Variants in DNAH17 observed in about 807,000 individuals in gnomAD.
DNAH17 encodes the protein axonemal beta dynein heavy chain 17.
DNAH17 carries 376 observed loss-of-function variants against 485.6 expected under a neutral mutation model. The observed-to-expected ratio is 0.77, with a 90% CI of 0.71 to 0.84. DNAH17 has a LOEUF of 0.84. Ranked by LOEUF, DNAH17 falls within the 40% of genes least tolerant of loss-of-function variation. The pLI is 0.00. For synonymous variants in DNAH17, 3,031 were observed against 2,405.9 expected, an observed-to-expected ratio of 1.26 and a Z score of -7.60; for missense variants, 6,370 against 5,839.3, an observed-to-expected ratio of 1.09 and a Z score of -2.96.
At chr17:78,534,257 G>A (rs555025588) in intron 19 of DNAH17, among the ~76,000 whole-genome samples, 84 of 152,342 alleles carry the variant, frequency 5.5e-4, no homozygotes, top group Admixed American at 9.1e-4. Context: ...AGGCCCCATC[G>A]GGACCCAGAT....
At chr17:78,425,320 T>A in intron 80 of DNAH17, 26 bp downstream of exon 80, 6 of 1,605,270 alleles carry the variant, frequency 3.7e-6, no homozygotes, top group Non-Finnish European at 5.1e-6. Flanking sequence ...TGGAAGCTTC[T>A]GCAGACAGAC....
chr17:78,430,467 C>T (rs1338239766), intron 75 of DNAH17, among the ~76,000 whole-genome samples: 2 of 152,168 alleles, frequency 1.3e-5, no homozygotes, highest in African/African-American at 2.4e-5. Flanking sequence ...TTCCACTGTG[C>T]GCTGGCCGGA....
chr17:78,485,090 G>C (rs1302988420), intron 47 of DNAH17, 57 bp from the exon 48 acceptor site: 8 of 1,522,580 alleles, frequency 5.3e-6, no homozygotes, highest in Non-Finnish European at 7.0e-6. Context: ...GAGCCTGTTA[G>C]GTAGGGAGGG....
At position 78,507,372 on chromosome 17, in the gene DNAH17, G is replaced by C; in HGVS notation, c.4585-3C>G. On this transcript the variant is annotated splice_region_variant and splice_polypyrimidine_tract_variant and intron_variant, in intron 28 of 80. Coordinates refer to ENST00000389840, the MANE Select transcript of DNAH17 (RefSeq NM_173628.4). The stretch of plus-strand genomic sequence containing the variant: ...TTCACTGCATCTTCCATCAAGGCCT[G>C]GGAAGAGAAGGGGATCGCCAAGGCA... 6.2e-7 allele frequency: 1 copy of C among 1,614,030 alleles called. No individual in the cohort carries two copies. Among genetic ancestry groups the C allele is most frequent in the Non-Finnish European group, 8.5e-7 (1 of 1,179,898 alleles).
At chr17:78,562,285 TAAAC>T (rs1372919317) in intron 11 of DNAH17, among the ~76,000 whole-genome samples, 1 of 151,968 alleles carries the variant, frequency 6.6e-6, no homozygotes. Context: ...AAGGAAGACT[TAAAC>T]AATTAAAAAA....
chr17:78,534,436 G>C (rs1348364476), intron 19 of DNAH17, among the ~76,000 whole-genome samples: 2 of 152,362 alleles, frequency 1.3e-5, no homozygotes, highest in East Asian at 3.9e-4. Context: ...AGAAGCCACA[G>C]GGGAGAGAAA....
At chr17:78,529,219 G>GA (rs2091161203) in intron 22 of DNAH17, among the ~76,000 whole-genome samples, 1 of 152,000 alleles carries the variant, frequency 6.6e-6, no homozygotes, top group African/African-American at 2.4e-5. Flanking sequence ...GGATTACAAT[G>GA]AAGACATTTT....
chr17:78,527,422 G>A (rs931587041), intron 22 of DNAH17, among the ~76,000 whole-genome samples: 18 of 152,084 alleles, frequency 1.2e-4, no homozygotes, highest in South Asian at 2.1e-4. Flanking sequence ...CCTTAATGGC[G>A]AACTAGGACA....
At chr17:78,438,988 A>G (rs1456607758) in intron 73 of DNAH17, 102 bp downstream of exon 73, 5 of 1,466,956 alleles carry the variant, frequency 3.4e-6, no homozygotes, top group Non-Finnish European at 4.5e-6. Flanking sequence ...ACATTTCTGA[A>G]TGCAAACTCC....
In DNAH17 at chr17:78,507,470, G is replaced by T. The variant is rs201997246; in HGVS notation, c.4572C>A (p.Asn1524Lys). ...GGGCTGTGCTCACCTTGAATTCCTG[G>T]TTGATGTCGTCAAAGCGCTGGGAGT... ...PGDSQRFDDI[N>K]QEFKALMEDA... is the part of the protein sequence containing the mutation. Residue 1524 changes from asparagine to lysine, a missense_variant, in exon 28 of 81, where the codon AAC becomes AAA. Transcript: ENST00000389840. 2.7e-5 allele frequency: 44 copies of T among 1,612,158 alleles called. No individual in the cohort carries two copies. Among genetic ancestry groups the T allele is most frequent in the Admixed American group, 2.0e-4 (12 of 59,986 alleles).
At position 78,444,695 on chromosome 17, in the gene DNAH17, TCTC is replaced by T. The variant is rs1568059542; in HGVS notation, c.11434_11436del (p.Glu3812del). On this transcript the variant is annotated inframe_deletion, in exon 71 of 81. Coordinates refer to ENST00000389840, the MANE Select transcript of DNAH17 (RefSeq NM_173628.4). ...TTGTTCTTCCACTCCTTGGGGAAGATCTCCTTCTCGGGGGCTTCCGACTCCACC... is the reference window on the plus strand; with the variant it reads ...TTGTTCTTCCACTCCTTGGGGAAGATCTTCTCGGGGGCTTCCGACTCCACC... 8 of 1,609,870 alleles carry T rather than the reference TCTC, an allele frequency of 5.0e-6. No homozygotes were observed. Among genetic ancestry groups the T allele is most frequent in the Non-Finnish European group, 6.8e-6 (8 of 1,178,644 alleles).
chr17:78,428,509 G>C lies in DNAH17; in HGVS notation c.12588+16C>G, dbSNP rs746280991. ...TCCCCCTTCCTCTCGCTTGGGAGCA[G>C]TTTCAAAGATCCTGCCTTCTCCTCG... is the stretch of plus-strand genomic sequence containing the variant. On this transcript the variant is annotated intron_variant, in intron 77 of 80. Transcript: ENST00000389840. 2 of 1,580,790 alleles carry C rather than the reference G, an allele frequency of 1.3e-6. No individual in the cohort carries two copies. The highest frequency in any genetic ancestry group is 1.7e-6 in the Non-Finnish European group (2 of 1,163,490).
intron 24 of DNAH17, among the ~76,000 whole-genome samples, chr17:78,525,765 CA>C (rs1181655309): frequency 2.6e-5 from 4 of 152,234 alleles, no homozygotes; most frequent in Non-Finnish European, 5.9e-5. Context: ...CCCCTCACCC[CA>C]AATCTTTCCA....
At chr17:78,470,937 T>A (rs545080904) in intron 54 of DNAH17, among the ~76,000 whole-genome samples, 23 of 152,310 alleles carry the variant, frequency 1.5e-4, no homozygotes, top group Admixed American at 7.2e-4. Flanking sequence ...AAGTTTTTTT[T>A]AAAGCATTTT....
At chr17:78,477,758 T>G (rs967310047) in intron 51 of DNAH17, among the ~76,000 whole-genome samples, 1 of 152,168 alleles carries the variant, frequency 6.6e-6, no homozygotes, top group Admixed American at 6.5e-5. Flanking sequence ...AATGGGGATA[T>G]AAGCACCAAA....
rs1174662507 is a variant in DNAH17 at position 78,537,412 on chromosome 17, G to A, written c.2746C>T (p.Leu916=). 15 of 1,613,368 alleles carry A rather than the reference G, an allele frequency of 9.3e-6. No individual in the cohort carries two copies. Among genetic ancestry groups the A allele is most frequent in the Non-Finnish European group, 1.2e-5 (14 of 1,179,832 alleles). The change falls in exon 19 of 81, where the codon CTG becomes TTG. Residue 916 remains leucine, a synonymous_variant. Transcript: ENST00000389840. ...AAGCCGCGATCTGAGCCCACCTCCA[G>A]GGTCGGGTTGAAGGTCAGCCCATCC... ...DEDGLTFNPT[L]EVGSDRGFLA... is the part of the protein sequence containing the mutation.
chr17:78,517,936 TG>T (rs2090832600), intron 25 of DNAH17, among the ~76,000 whole-genome samples: 2 of 152,314 alleles, frequency 1.3e-5, no homozygotes, highest in African/African-American at 4.8e-5. Flanking sequence ...TAAATGGAAG[TG>T]AGGTTTCTAC....
chr17:78,449,336 C>T, intron 69 of DNAH17, 78 bp downstream of exon 69: 1 of 1,443,080 alleles, frequency 6.9e-7, no homozygotes, highest in African/African-American at 1.4e-5. Context: ...CAACAATCTG[C>T]CTTTCCACAA....
At chr17:78,536,580 C>T (rs1396600635) in intron 19 of DNAH17, among the ~76,000 whole-genome samples, 1 of 152,100 alleles carries the variant, frequency 6.6e-6, no homozygotes, top group African/African-American at 2.4e-5. Flanking sequence ...ACTTGGGAGA[C>T]TGAGGCGGGA....
Sources: allele counts gnomAD v4.1 joint callset (sites outside exome capture counted in the v4.1 genomes callset), GRCh38; gene constraint gnomAD v4.1.1; transcripts MANE v1.5; gene names NCBI Gene and HGNC (gene_info 2026-07-23, HGNC 2026-07-21).